The following GRAMD1C variants were observed in gnomAD, a reference collection of about 807,000 sequenced individuals.
The protein encoded by GRAMD1C is GRAM domain containing 1C.
In GRAMD1C, 89 loss-of-function variants were observed where a neutral mutation model predicts 97.8. That is an observed-to-expected ratio of 0.91 (90% CI 0.77 to 1.09). The LOEUF is 1.09. Among genes scored for constraint, GRAMD1C ranks in the 50% least tolerant of loss-of-function variants. The pLI, the probability that GRAMD1C is intolerant of heterozygous loss-of-function variation, is 0.00. For synonymous variants in GRAMD1C, 256 were observed against 267.0 expected (o/e 0.96, Z 0.40); for missense variants, 740 against 766.4 (o/e 0.97, Z 0.41).
At chr3:113,918,819 A>C (rs1185166802) in intron 10 of GRAMD1C, among the ~76,000 whole-genome samples, 1 of 152,060 alleles carries the variant, frequency 6.6e-6, no homozygotes, top group Non-Finnish European at 1.5e-5. Flanking sequence ...CCTCAGCCTC[A>C]GTTGCTGGGA....
At chr3:113,843,061 T>TG (rs1182088837) in intron 1 of GRAMD1C, among the ~76,000 whole-genome samples, 11 of 142,676 alleles carry the variant, frequency 7.7e-5, no homozygotes, top group South Asian at 2.3e-4. Flanking sequence ...TTTTTTTTTT[T>TG]TTTTTTTTTT....
chr3:113,872,395 T>TC (rs1157924232), intron 3 of GRAMD1C, among the ~76,000 whole-genome samples: 2 of 137,120 alleles, frequency 1.5e-5, no homozygotes, highest in African/African-American at 3.1e-5. Context: ...TTTTTTCTTT[T>TC]TTTTTTTTTT....
chr3:113,944,126 G>A (rs1376164438), intron 17 of GRAMD1C, among the ~76,000 whole-genome samples: 1 of 152,134 alleles, frequency 6.6e-6, no homozygotes, highest in Non-Finnish European at 1.5e-5. Flanking sequence ...CCTGGAGACT[G>A]GGTAATTTAT....
intron 9 of GRAMD1C, among the ~76,000 whole-genome samples, chr3:113,914,041 C>G (rs2107337488): frequency 6.6e-6 from 1 of 152,272 alleles, no homozygotes; most frequent in East Asian, 1.9e-4. Context: ...AAAAATATAA[C>G]TACAAGTCAG....
intron 13 of GRAMD1C, among the ~76,000 whole-genome samples, chr3:113,935,691 T>C (rs1937565901): frequency 6.6e-6 from 1 of 152,078 alleles, no homozygotes; most frequent in South Asian, 2.1e-4. Context: ...TATTTCATTA[T>C]TGAATTCTTC....
chr3:113,838,302 T>C (rs1577109952), upstream of GRAMD1C: 1 of 152,454 alleles, frequency 6.6e-6, no homozygotes, highest in Non-Finnish European at 1.5e-5. Context: ...CCGGGGGCGG[T>C]GGCTGACGCC....
chr3:113,908,391 C>T (rs1339848850), intron 8 of GRAMD1C, among the ~76,000 whole-genome samples: 1 of 152,084 alleles, frequency 6.6e-6, no homozygotes, highest in Non-Finnish European at 1.5e-5. Context: ...ATTTTAATGC[C>T]TAATCTCTTA....
intron 5 of GRAMD1C, 100 bp downstream of exon 5, chr3:113,876,360 A>G: frequency 1.5e-6 from 1 of 676,430 alleles, no homozygotes; most frequent in Non-Finnish European, 2.7e-6. Flanking sequence ...TCCTGGAGTT[A>G]GGAATATCTG....
chr3:113,892,961 A>G lies in GRAMD1C; in HGVS notation c.541-8070A>G, dbSNP rs1221711051. 1.3e-5 allele frequency among the ~76,000 whole-genome samples: 2 copies of G among 152,188 alleles called. 1 individual carries two copies. Among genetic ancestry groups the G allele is most frequent in the Admixed American group, 1.3e-4 (2 of 15,272 alleles). ...TTACATTTTTAAATGGCTGAAAAAA[A>G]TCAAAAGAATAATATTTCATGACAT... On this transcript the variant is annotated intron_variant, in intron 6 of 17. Coordinates refer to ENST00000358160, the MANE Select transcript of GRAMD1C (RefSeq NM_017577.5).
At chr3:113,944,983 T>C (rs1937998355) in intron 17 of GRAMD1C, among the ~76,000 whole-genome samples, 2 of 152,188 alleles carry the variant, frequency 1.3e-5, no homozygotes, top group South Asian at 4.1e-4. Context: ...GAAAACTACA[T>C]GAAGAGTGTG....
chr3:113,939,889 G>T lies in GRAMD1C; in HGVS notation c.1695G>T (p.Val565=), dbSNP rs1473313303. The change falls in exon 16 of 18, where the codon GTG becomes GTT. Residue 565 remains valine (V), a synonymous_variant. Coordinates refer to ENST00000358160, the MANE Select transcript of GRAMD1C (RefSeq NM_017577.5). The part of the protein sequence containing the change: ...VTLIVVMSIF[V]LLLVLLNVTL... ...ACATATAATTTGCTCTGCCTAGTGT[G>T]TTGTTATTAGTTTTGTTGAATGTGA... is the stretch of plus-strand genomic sequence containing the variant. 1.9e-6 allele frequency: 3 copies of T among 1,547,878 alleles called. No homozygotes were observed. Among genetic ancestry groups the T allele is most frequent in the South Asian group, 1.1e-5 (1 of 89,784 alleles).
intron 1 of GRAMD1C, among the ~76,000 whole-genome samples, chr3:113,844,138 T>C (rs1340542663): frequency 6.6e-6 from 1 of 152,108 alleles, no homozygotes; most frequent in Non-Finnish European, 1.5e-5. Context: ...TGTATAAATG[T>C]ATGAACTTGG....
intron 6 of GRAMD1C, among the ~76,000 whole-genome samples, chr3:113,899,614 A>C (rs1936073629): frequency 6.6e-6 from 1 of 152,214 alleles, no homozygotes; most frequent in Non-Finnish European, 1.5e-5. Context: ...AATTGCTTCA[A>C]GTGTTATGCT....
In GRAMD1C at chr3:113,849,552, C is replaced by G. The variant is rs1312912423; in HGVS notation, c.174+4903C>G. ...TTAACAAAGCACATCTTGCACCGCC[C>G]TTAATCCATTCAACCCTGAGTGGAC... On this transcript the variant is annotated intron_variant, in intron 2 of 17. Transcript: ENST00000358160. 4.6e-5 allele frequency among the ~76,000 whole-genome samples: 7 copies of G among 151,980 alleles called. No homozygotes were observed. In the South Asian group the frequency reaches 1.0e-3, roughly 23 times the overall value.
At chr3:113,836,631 T>TATC (rs1034596728), upstream of GRAMD1C, among the ~76,000 whole-genome samples, 1 of 151,646 alleles carries the variant, frequency 6.6e-6, no homozygotes, top group Non-Finnish European at 1.5e-5. Context: ...CACAAGTTAT[T>TATC]ATTATTATTA....
intron 2 of GRAMD1C, among the ~76,000 whole-genome samples, chr3:113,860,967 TAA>T (rs56315203): frequency 1.5e-3 from 204 of 138,404 alleles, no homozygotes; most frequent in East Asian, 7.2e-3. Flanking sequence ...AACTCCAACT[TAA>T]AAAAAAAAAA....
Position 113,844,501 on chromosome 3 carries a change from A to G in GRAMD1C, c.28-2A>G, listed in dbSNP as rs763898538. ...TTGACTTAGTTTGATATTTGTTTCCAGGTGATGAATGAAGGGGATTCAAGC... is the reference window on the plus strand; with the variant it reads ...TTGACTTAGTTTGATATTTGTTTCCGGGTGATGAATGAAGGGGATTCAAGC... On this transcript the variant is annotated splice_acceptor_variant, in intron 1 of 17. Transcript: ENST00000358160. LOFTEE classifies it high-confidence loss of function. 1 of 1,589,204 alleles carries G rather than the reference A, an allele frequency of 6.3e-7. No individual in the cohort carries two copies. Among genetic ancestry groups the G allele is most frequent in the Non-Finnish European group, 8.6e-7 (1 of 1,163,578 alleles).
At chr3:113,861,388 C>A (rs549666415) in intron 2 of GRAMD1C, among the ~76,000 whole-genome samples, 2 of 152,254 alleles carry the variant, frequency 1.3e-5, no homozygotes, top group African/African-American at 2.4e-5. Flanking sequence ...TGCCTGTCTT[C>A]CCACCTACTT....
chr3:113,829,312 G>T (rs986948220), intron 1 of GRAMD1C, among the ~76,000 whole-genome samples: 1 of 152,194 alleles, frequency 6.6e-6, no homozygotes, highest in South Asian at 2.1e-4. Flanking sequence ...GCTGGATGGG[G>T]TGGTGTGGGC....
Sources: allele counts gnomAD v4.1 joint callset (sites outside exome capture counted in the v4.1 genomes callset), GRCh38; gene constraint gnomAD v4.1.1; transcripts MANE v1.5; gene names NCBI Gene and HGNC (gene_info 2026-07-23, HGNC 2026-07-21).